Variants in FYB1 observed in about 807,000 individuals in gnomAD.
The protein encoded by FYB1 is FYN binding protein 1, also known as FYN-binding protein 1.
A neutral mutation model predicts 94.1 loss-of-function variants in FYB1; 41 were observed. That is an observed-to-expected ratio of 0.44 (90% CI 0.34 to 0.57). FYB1 has a LOEUF of 0.57. Ranked by LOEUF, FYB1 falls within the 20% of genes least tolerant of loss-of-function variation. FYB1 has a pLI of 0.02. For synonymous variants in FYB1, 367 were observed against 353.2 expected (o/e 1.04, Z -0.44); for missense variants, 1,050 against 976.8 (o/e 1.07, Z -1.00).
chr5:39,147,837 C>G (rs1304544875), intron 3 of FYB1, among the ~76,000 whole-genome samples: 1 of 151,504 alleles, frequency 6.6e-6, no homozygotes, highest in East Asian at 2.0e-4. Flanking sequence ...CCCGCCACCA[C>G]GCCCGGCTAA....
chr5:39,205,377 A>T (rs1023884401), intron 1 of FYB1, among the ~76,000 whole-genome samples: 2 of 152,192 alleles, frequency 1.3e-5, no homozygotes, highest in African/African-American at 2.4e-5. Context: ...ATGTGTAGCC[A>T]TAGGACTGTT....
At chr5:39,113,178 A>G (rs1739222880) in intron 16 of FYB1, among the ~76,000 whole-genome samples, 2 of 149,382 alleles carry the variant, frequency 1.3e-5, no homozygotes, top group Admixed American at 1.3e-4. Flanking sequence ...AGGTCCTAGA[A>G]ATACATATAT....
Position 39,106,907 on chromosome 5 carries a change from A to C in FYB1, c.*536T>G, listed in dbSNP as rs889730664. 6.6e-6 allele frequency: 1 copy of C among 152,132 alleles called. No homozygotes were observed. Among genetic ancestry groups the C allele is most frequent in the Admixed American group, 6.6e-5 (1 of 15,266 alleles). The allele number at this position is 152,132 out of a possible 1,614,324, so 9.4% of individuals were successfully genotyped here. A position where few individuals can be genotyped will look rare whatever the true frequency, so the allele number is the denominator to read the frequency against. ...TCTACTACTGCTATAATTTTTGAAA[A>C]CATTTAACCCACTAGCAAGAGGTAA... On this transcript the variant is annotated 3_prime_UTR_variant, in exon 19 of 19. Transcript: ENST00000512982.
chr5:39,170,874 C>T (rs897159565), intron 2 of FYB1, among the ~76,000 whole-genome samples: 6 of 152,194 alleles, frequency 3.9e-5, no homozygotes, highest in Non-Finnish European at 7.4e-5. Flanking sequence ...CTTTCTGTTT[C>T]TTTAACCCCA....
intron 1 of FYB1, among the ~76,000 whole-genome samples, chr5:39,254,352 C>A (rs1366170530): frequency 1.3e-5 from 2 of 152,160 alleles, no homozygotes; most frequent in Admixed American, 1.3e-4. Context: ...ACCTAGCCAG[C>A]ATCTGTTATT....
At chr5:39,115,533 T>A (rs963109383) in intron 16 of FYB1, among the ~76,000 whole-genome samples, 3 of 152,148 alleles carry the variant, frequency 2.0e-5, no homozygotes, top group Admixed American at 6.5e-5. Flanking sequence ...TACTATATTT[T>A]AAAAAATAAT....
intron 2 of FYB1, among the ~76,000 whole-genome samples, chr5:39,184,046 C>G (rs879810357): frequency 1.3e-5 from 2 of 151,746 alleles, no homozygotes; most frequent in Admixed American, 6.6e-5. Context: ...ACTGGCAAAC[C>G]CAGTATTATA....
intron 1 of FYB1, among the ~76,000 whole-genome samples, chr5:39,216,424 T>G (rs1169098508): frequency 6.6e-6 from 1 of 152,178 alleles, no homozygotes; most frequent in Non-Finnish European, 1.5e-5. Flanking sequence ...TTTAAGTTCT[T>G]TCTGGGATAC....
At chr5:39,170,046 C>A (rs1380276589) in intron 2 of FYB1, 3 of 810,096 alleles carry the variant, frequency 3.7e-6, no homozygotes, top group Admixed American at 1.8e-5. Flanking sequence ...GATGAGAGGC[C>A]TCCACTGGTG....
At chr5:39,139,285 T>A (rs188686318) in intron 4 of FYB1, 33 bp from the exon 5 acceptor site, 2 of 1,405,546 alleles carry the variant, frequency 1.4e-6, no homozygotes, top group Non-Finnish European at 1.9e-6. Flanking sequence ...TTTAATACAT[T>A]TGTAATAAGG....
intron 3 of FYB1, among the ~76,000 whole-genome samples, chr5:39,151,017 C>T (rs959976102): frequency 6.6e-6 from 1 of 152,196 alleles, no homozygotes; most frequent in African/African-American, 2.4e-5. Context: ...GACTCTTTCC[C>T]TACCATTCCT....
Position 39,106,276 on chromosome 5 carries a change from CA to C in FYB1, c.*1166del, listed in dbSNP as rs1187629425. 1 of 152,080 alleles carries C rather than the reference CA, an allele frequency of 6.6e-6. No individual in the cohort carries two copies. Among genetic ancestry groups the C allele is most frequent in the East Asian group, 1.9e-4 (1 of 5,186 alleles). 9.4% of individuals were successfully genotyped at this position (152,080 alleles called of 1,614,324 possible). A position where few individuals can be genotyped will look rare whatever the true frequency, so the allele number is the denominator to read the frequency against. On this transcript the variant is annotated 3_prime_UTR_variant, in exon 19 of 19. Coordinates refer to ENST00000512982, the MANE Select transcript of FYB1 (RefSeq NM_001465.6). ...GATGGTTCATTAGTAGAAGAGCCAG[CA>C]TTATGATGTACTCATTTTGTACTCT...
At chr5:39,256,435 C>T (rs17383099) in intron 1 of FYB1, among the ~76,000 whole-genome samples, 4,752 of 152,190 alleles carry the variant, frequency 0.031, 99 homozygotes, top group Middle Eastern at 0.041. Context: ...ATATTACGTA[C>T]GGGTTTTCAT....
At position 39,202,889 on chromosome 5, in the gene FYB1, T is replaced by C. The variant is rs762364434; in HGVS notation, c.72A>G (p.Thr24=). ...GTATTCCTGAAGATGAGTTTGGCCC[T>C]GTGACTCTGAAGGGTCGGCTATTGA... ...VSVNSRPFRV[T]GPNSSSGIQA... is the part of the protein sequence containing the mutation. Residue 24 remains threonine, a synonymous_variant, in exon 2 of 19, where the codon ACA becomes ACG. Coordinates refer to ENST00000512982, the MANE Select transcript of FYB1 (RefSeq NM_001465.6). 1.2e-6 allele frequency: 2 copies of C among 1,613,972 alleles called. No homozygotes were observed. Among genetic ancestry groups the C allele is most frequent in the Non-Finnish European group, 1.7e-6 (2 of 1,179,860 alleles).
chr5:39,122,329 T>G lies in FYB1; in HGVS notation c.2138+7A>C. 1 of 1,536,296 alleles carries G rather than the reference T, an allele frequency of 6.5e-7. No individual in the cohort carries two copies. The highest frequency in any genetic ancestry group is 8.9e-7 in the Non-Finnish European group (1 of 1,125,946). Reference sequence around the variant, plus strand: ...TTACTTCATTGTAATGAAAGCATTTTAATTACCTCATCTCTGCTGATGAAA... The same window carrying G: ...TTACTTCATTGTAATGAAAGCATTTGAATTACCTCATCTCTGCTGATGAAA... On this transcript the variant is annotated splice_region_variant and intron_variant, in intron 14 of 18. Coordinates refer to ENST00000512982, the MANE Select transcript of FYB1 (RefSeq NM_001465.6).
chr5:39,253,130 A>C (rs1004597376), intron 1 of FYB1, among the ~76,000 whole-genome samples: 2 of 152,216 alleles, frequency 1.3e-5, no homozygotes, highest in African/African-American at 4.8e-5. Context: ...TATCTAGTCT[A>C]TTAAGCTAAT....
Position 39,230,556 on chromosome 5 carries a change from A to G in FYB1, c.-27-27569T>C, listed in dbSNP as rs75490118. Reference sequence around the variant, plus strand: ...ATATGTATATATGTATAATATGTGTATATATATTTCTGTATATGTGTGTGT... The same window carrying G: ...ATATGTATATATGTATAATATGTGTGTATATATTTCTGTATATGTGTGTGT... On this transcript the variant is annotated intron_variant, in intron 1 of 1. Transcript: ENST00000510188. 6.4e-3 allele frequency among the ~76,000 whole-genome samples: 964 copies of G among 151,688 alleles called. 4 individuals are homozygous for G. The highest frequency in any genetic ancestry group is 0.01 in the Non-Finnish European group (688 of 67,992).
intron 1 of FYB1, among the ~76,000 whole-genome samples, chr5:39,241,745 A>G (rs1311211736): frequency 6.6e-6 from 1 of 152,174 alleles, no homozygotes; most frequent in East Asian, 1.9e-4. Context: ...CCTAGTGGGA[A>G]ATCCACCTGA....
rs564236219 is a variant in FYB1 at position 39,234,579 on chromosome 5, A to G, written c.-27-31592T>C. Among the ~76,000 whole-genome samples the G allele has an allele frequency of 9.1e-4, 139 of 152,334 alleles. 3 individuals are homozygous for G. The highest frequency in any genetic ancestry group is 3.1e-3 in the African/African-American group (130 of 41,576). On this transcript the variant is annotated intron_variant, in intron 1 of 1. Transcript: ENST00000510188. The stretch of plus-strand genomic sequence containing the variant: ...AGGATTATAAATCATGCTACTATAA[A>G]GACACATGTACACATATGTTTATTG...
Sources: allele counts gnomAD v4.1 joint callset (sites outside exome capture counted in the v4.1 genomes callset), GRCh38; gene constraint gnomAD v4.1.1; transcripts MANE v1.5; gene names NCBI Gene and HGNC (gene_info 2026-07-23, HGNC 2026-07-21).